Variants in ATG16L2 observed in about 807,000 individuals in gnomAD.
ATG16L2 encodes the protein autophagy related 16 like 2, also known as protein Atg16l2.
ATG16L2 carries 77 observed loss-of-function variants against 84.7 expected under a neutral mutation model. The observed-to-expected ratio is 0.91, with a 90% CI of 0.76 to 1.10. The LOEUF (loss-of-function observed/expected upper bound fraction) is 1.10, where lower values mean the gene tolerates loss of function less well. Ranked by LOEUF, ATG16L2 falls within the 50% of genes least tolerant of loss-of-function variation. The pLI, the probability that ATG16L2 is intolerant of heterozygous loss-of-function variation, is 0.00. For missense variants in ATG16L2, 782 were observed against 817.6 expected, an observed-to-expected ratio of 0.96 and a Z score of 0.53; for synonymous variants, 361 against 342.8, an observed-to-expected ratio of 1.05 and a Z score of -0.59.
At chr11:72,843,454 C>G in exon 6 of ATG16L2, 1 of 1,612,036 alleles carries the variant, frequency 6.2e-7, no homozygotes, top group South Asian at 1.1e-5. Flanking sequence ...TATACCTTTA[C>G]CCAGTCTTCC....
chr11:72,826,681 C>T (rs370329191), intron 12 of ATG16L2, 22 bp from the exon 13 acceptor site: 36 of 1,613,962 alleles, frequency 2.2e-5, no homozygotes, highest in Middle Eastern at 3.3e-4. Flanking sequence ...ACTCTTGATC[C>T]GTACCTGGGG....
At chr11:72,830,407 C>T (rs1256783615), downstream of ATG16L2, among the ~76,000 whole-genome samples, 3 of 152,274 alleles carry the variant, frequency 2.0e-5, no homozygotes, top group East Asian at 1.9e-4. Flanking sequence ...ACTCCTCCAC[C>T]CTCCTGCCAC....
At chr11:72,840,984 C>A (rs757623880) in intron 5 of ATG16L2, 2 of 1,565,352 alleles carry the variant, frequency 1.3e-6, no homozygotes, top group Admixed American at 1.7e-5. Context: ...CAAAGAAGCT[C>A]ATTTTACTTG....
downstream of ATG16L2, chr11:72,829,647 T>C: frequency 3.1e-6 from 4 of 1,276,776 alleles, no homozygotes; most frequent in Non-Finnish European, 3.0e-6. Flanking sequence ...TGCGTCTGCC[T>C]ACCTCTTTGC....
At chr11:72,826,102 C>T (rs1860333541) in intron 10 of ATG16L2, 71 bp from the exon 11 acceptor site, 1 of 1,326,392 alleles carries the variant, frequency 7.5e-7, no homozygotes, top group East Asian at 2.4e-5. Context: ...ATCTTCCGCT[C>T]TCAATCCCAA....
intron 1 of ATG16L2, among the ~76,000 whole-genome samples, chr11:72,815,349 T>G (rs1372511809): frequency 1.3e-5 from 2 of 152,208 alleles, no homozygotes; most frequent in African/African-American, 4.8e-5. Context: ...TCAAATCTGC[T>G]CTTAGCCAGG....
chr11:72,841,332 T>G (rs1487618344), intron 5 of ATG16L2: 2 of 978,580 alleles, frequency 2.0e-6, no homozygotes, highest in African/African-American at 4.6e-5. Context: ...TGACAGAGAC[T>G]CTGTCTCCAA....
downstream of ATG16L2, among the ~76,000 whole-genome samples, chr11:72,830,551 C>T (rs945287452): frequency 1.3e-5 from 2 of 152,142 alleles, no homozygotes; most frequent in African/African-American, 4.8e-5. Context: ...ACTCCTGCAG[C>T]CTTAAACCCC....
At chr11:72,828,550 A>G in intron 15 of ATG16L2, 42 bp downstream of exon 15, 1 of 1,612,600 alleles carries the variant, frequency 6.2e-7, no homozygotes, top group Middle Eastern at 1.7e-4. Flanking sequence ...CTTTGCTGGG[A>G]CAGCTGAGCC....
chr11:72,816,563 T>C (rs1859709185), intron 1 of ATG16L2, among the ~76,000 whole-genome samples, 165 bp from the exon 2 acceptor site: 1 of 152,204 alleles, frequency 6.6e-6, no homozygotes, highest in Non-Finnish European at 1.5e-5. Flanking sequence ...CCTGTAGAAC[T>C]GCACAGATGC....
Position 72,822,799 on chromosome 11 carries a change from G to A in ATG16L2, c.711-49G>A. On this transcript the variant is annotated intron_variant, in intron 6 of 17. Coordinates refer to ENST00000321297, the MANE Select transcript of ATG16L2 (RefSeq NM_033388.2). This position sits in a 1 kb window ranked among gnomAD's most constrained non-coding sequence, Gnocchi z 4.2. Reference sequence around the variant, plus strand: ...AGCGTATCCTGTGCTGGGGTCGGGAGGGGCTGGCTTGGTCCCTTGGCCTTT... The same window carrying A: ...AGCGTATCCTGTGCTGGGGTCGGGAAGGGCTGGCTTGGTCCCTTGGCCTTT... The A allele has an allele frequency of 7.1e-7, 1 of 1,398,870 alleles. No homozygotes were observed. The highest frequency in any genetic ancestry group is 9.8e-7 in the Non-Finnish European group (1 of 1,022,232). 86.7% of individuals were successfully genotyped at this position (1,398,870 alleles called of 1,614,324 possible). A position where few individuals can be genotyped will look rare whatever the true frequency, so the allele number is the denominator to read the frequency against.
intron 5 of ATG16L2, chr11:72,838,963 G>T: frequency 8.6e-7 from 1 of 1,157,554 alleles, no homozygotes; most frequent in Non-Finnish European, 1.3e-6. Context: ...ATCTGTCCAA[G>T]GACATGGGCA....
chr11:72,824,764 G>A lies in ATG16L2; in HGVS notation c.918G>A (p.Gly306=), dbSNP rs773474388. The A allele has an allele frequency of 5.0e-6, 8 of 1,613,768 alleles. No homozygotes were observed. In the East Asian group the frequency reaches 1.1e-4, roughly 22 times the overall value. The stretch of plus-strand genomic sequence containing the variant: ...AGAAGAGGAGAGGTCACTCAATTGG[G>A]GGAGCCCCTGAGCAGCGATACCAGA... ...DFKKRRGHSI[G]GAPEQRYQII... is the part of the protein sequence containing the mutation. Residue 306 remains glycine, a synonymous_variant, in exon 9 of 18, where the codon GGG becomes GGA. Coordinates refer to ENST00000321297, the MANE Select transcript of ATG16L2 (RefSeq NM_033388.2).
At chr11:72,820,088 C>G (rs987011390) in intron 3 of ATG16L2, 1 of 152,182 alleles carries the variant, frequency 6.6e-6, no homozygotes, top group Non-Finnish European at 1.5e-5. Context: ...TTCCACACAT[C>G]ACAAGCATTT....
intron 7 of ATG16L2, chr11:72,823,558 T>C (rs1860143149): frequency 2.4e-6 from 1 of 415,558 alleles, no homozygotes; most frequent in Admixed American, 2.9e-5. Context: ...TCCTTGCAGG[T>C]CCCTGGTGTC....
Position 72,822,700 on chromosome 11 carries a change from G to T in ATG16L2, c.711-148G>T. The T allele has an allele frequency of 9.1e-7, 1 of 1,104,324 alleles. No individual in the cohort carries two copies. The highest frequency in any genetic ancestry group is 1.3e-6 in the Non-Finnish European group (1 of 770,738). 68.4% of individuals were successfully genotyped at this position (1,104,324 alleles called of 1,614,324 possible). On this transcript the variant is annotated intron_variant, in intron 6 of 17. Coordinates refer to ENST00000321297, the MANE Select transcript of ATG16L2 (RefSeq NM_033388.2). The surrounding 1 kb of genome is among the most constrained non-coding windows in gnomAD (Gnocchi z 4.2). Reference sequence around the variant, plus strand: ...GACACCTGCAGAGGACCGTGTGGTCGTAGGAGCCTGCATGCGTGACCGCTG... The same window carrying T: ...GACACCTGCAGAGGACCGTGTGGTCTTAGGAGCCTGCATGCGTGACCGCTG...
chr11:72,817,708 A>C, intron 2 of ATG16L2, 48 bp from the exon 3 acceptor site: 1 of 1,594,838 alleles, frequency 6.3e-7, no homozygotes, highest in African/African-American at 1.3e-5. Flanking sequence ...GCCTTTGGGC[A>C]CTTGGGTGAA....
intron 5 of ATG16L2, chr11:72,836,724 T>A (rs909943415): frequency 1.3e-5 from 2 of 152,634 alleles, no homozygotes; most frequent in African/African-American, 4.8e-5. Context: ...CAAACCTTTC[T>A]ATATTAAAAC....
In ATG16L2 at chr11:72,822,590, C is replaced by T. The variant is rs777366428; in HGVS notation, c.710+47C>T. 3 of 1,597,276 alleles carry T rather than the reference C, an allele frequency of 1.9e-6. No individual in the cohort carries two copies. Among genetic ancestry groups the T allele is most frequent in the Non-Finnish European group, 2.6e-6 (3 of 1,172,874 alleles). ...TCCGACCCTTGCGTTCTGCCTCCCG[C>T]CCCGCCTGCCTGCGGCGACCCAGGC... On this transcript the variant is annotated intron_variant, in intron 6 of 17. Transcript: ENST00000321297. This position sits in a 1 kb window ranked among gnomAD's most constrained non-coding sequence, Gnocchi z 4.2.
Sources: allele counts gnomAD v4.1 joint callset (sites outside exome capture counted in the v4.1 genomes callset), GRCh38; gene constraint gnomAD v4.1.1; non-coding constraint Gnocchi (gnomAD v3.1); transcripts MANE v1.5; gene names NCBI Gene and HGNC (gene_info 2026-07-23, HGNC 2026-07-21).